Variants in DLG2 observed in about 807,000 individuals in gnomAD.
DLG2 encodes disks large homolog 2.
Under a neutral mutation model 132.5 loss-of-function variants are expected in DLG2, and 45 were observed. The ratio of observed to expected loss-of-function variants is 0.34; its 90% CI spans 0.27 to 0.44. The LOEUF is 0.44. Among genes scored for constraint, DLG2 ranks in the 20% least tolerant of loss-of-function variants. The pLI, the probability that DLG2 is intolerant of heterozygous loss-of-function variation, is 1.00. For missense variants in DLG2, 1,045 were observed against 1,196.9 expected, an observed-to-expected ratio of 0.87 and a Z score of 1.87; for synonymous variants, 424 against 419.6, an observed-to-expected ratio of 1.01 and a Z score of -0.13.
intron 19 of DLG2, among the ~76,000 whole-genome samples, chr11:83,629,142 T>C (rs1374902539): frequency 1.3e-5 from 2 of 152,136 alleles, no homozygotes; most frequent in African/African-American, 4.8e-5. Flanking sequence ...CTAACAGATC[T>C]TTTCATTTCA....
chr11:83,771,965 C>A (rs953632972), intron 18 of DLG2, among the ~76,000 whole-genome samples: 3 of 152,094 alleles, frequency 2.0e-5, no homozygotes, highest in African/African-American at 7.2e-5. Context: ...CCTTTAGATG[C>A]CAGTAACCTC....
chr11:84,138,947 T>TA (rs2094719059), intron 9 of DLG2, among the ~76,000 whole-genome samples: 1 of 41,608 alleles, frequency 2.4e-5, no homozygotes, highest in African/African-American at 8.1e-5. Flanking sequence ...AGACTCCATC[T>TA]CAAAAAAAAA....
intron 6 of DLG2, among the ~76,000 whole-genome samples, chr11:84,728,810 T>G (rs1257010675): frequency 6.6e-6 from 1 of 152,214 alleles, no homozygotes; most frequent in African/African-American, 2.4e-5. Context: ...CTTCCTGGTT[T>G]AGACATGTGA....
intron 7 of DLG2, among the ~76,000 whole-genome samples, chr11:84,256,390 C>T (rs2097471345): frequency 6.6e-6 from 1 of 152,218 alleles, no homozygotes; most frequent in African/African-American, 2.4e-5. Flanking sequence ...TGTAGCTTAG[C>T]TCCGAGAAGT....
chr11:84,855,428 A>G (rs1013953690), intron 6 of DLG2, among the ~76,000 whole-genome samples: 1 of 152,078 alleles, frequency 6.6e-6, no homozygotes, highest in African/African-American at 2.4e-5. Flanking sequence ...TAAACAGCAG[A>G]CAGGCATGAG....
chr11:84,696,577 G>A (rs2058637699), intron 6 of DLG2, among the ~76,000 whole-genome samples: 7 of 151,414 alleles, frequency 4.6e-5, no homozygotes, highest in African/African-American at 1.7e-4. Context: ...AAGGAGGTGA[G>A]TGGTGACAAA....
At chr11:83,549,128 A>G (rs2096315153) in intron 19 of DLG2, among the ~76,000 whole-genome samples, 1 of 152,148 alleles carries the variant, frequency 6.6e-6, no homozygotes, top group Non-Finnish European at 1.5e-5. Context: ...CTGCTTGATT[A>G]GAGGAGACCT....
chr11:85,356,815 G>C (rs1242147803), intron 3 of DLG2, among the ~76,000 whole-genome samples: 1 of 149,014 alleles, frequency 6.7e-6, no homozygotes, highest in African/African-American at 2.6e-5. Context: ...TAGATAGATA[G>C]ATAGATAGAT....
At chr11:83,847,830 T>C (rs557583770) in intron 16 of DLG2, among the ~76,000 whole-genome samples, 1 of 152,342 alleles carries the variant, frequency 6.6e-6, no homozygotes, top group African/African-American at 2.4e-5. Context: ...GAAATGGCTC[T>C]ATTGTTAGGT....
chr11:83,774,349 T>G (rs2153797441), intron 18 of DLG2, among the ~76,000 whole-genome samples: 1 of 152,334 alleles, frequency 6.6e-6, no homozygotes, highest in African/African-American at 2.4e-5. Context: ...TAATTATCGC[T>G]TATGGAGGAC....
intron 18 of DLG2, among the ~76,000 whole-genome samples, chr11:83,780,092 AAAATGTTTC>A: frequency 6.6e-6 from 1 of 152,306 alleles, no homozygotes; most frequent in East Asian, 1.9e-4. Flanking sequence ...GTGAGTTGGG[AAAATGTTTC>A]AACATGCCAC....
intron 3 of DLG2, among the ~76,000 whole-genome samples, chr11:85,414,878 T>A (rs2089679940): frequency 6.6e-6 from 1 of 152,146 alleles, no homozygotes; most frequent in Non-Finnish European, 1.5e-5. Context: ...TTCATTATTA[T>A]ACTTTAAGTT....
At chr11:85,034,906 A>G (rs528382545) in intron 6 of DLG2, among the ~76,000 whole-genome samples, 5 of 152,250 alleles carry the variant, frequency 3.3e-5, no homozygotes, top group South Asian at 4.1e-4. Flanking sequence ...TTCTACATCT[A>G]TTGAAGCATC....
intron 7 of DLG2, among the ~76,000 whole-genome samples, chr11:84,275,778 G>A (rs1047157696): frequency 3.3e-5 from 5 of 152,306 alleles, no homozygotes; most frequent in South Asian, 2.1e-4. Context: ...ATTTAAAAAC[G>A]TGTAAGTACC....
At chr11:85,572,228 G>A (rs1257609678) in intron 3 of DLG2, among the ~76,000 whole-genome samples, 1 of 152,034 alleles carries the variant, frequency 6.6e-6, no homozygotes, top group Non-Finnish European at 1.5e-5. Flanking sequence ...TTTTCATAAT[G>A]TTTCTATATT....
chr11:84,564,441 G>T (rs1031662351), intron 6 of DLG2, among the ~76,000 whole-genome samples: 4 of 152,152 alleles, frequency 2.6e-5, no homozygotes, highest in Non-Finnish European at 5.9e-5. Context: ...TCCCATCCGA[G>T]AATGTACTAT....
chr11:85,106,327 T>C (rs1468272027), intron 6 of DLG2, among the ~76,000 whole-genome samples: 2 of 152,014 alleles, frequency 1.3e-5, no homozygotes, highest in African/African-American at 4.8e-5. Flanking sequence ...AGAATATCAA[T>C]AGCGCTCATT....
chr11:84,489,583 T>C (rs1272556139), intron 7 of DLG2, among the ~76,000 whole-genome samples: 2 of 152,038 alleles, frequency 1.3e-5, no homozygotes, highest in Non-Finnish European at 2.9e-5. Flanking sequence ...CAAACCTAGC[T>C]CCTAATAATT....
At chr11:85,189,161 G>C (rs1050857838) in intron 4 of DLG2, among the ~76,000 whole-genome samples, 1 of 152,046 alleles carries the variant, frequency 6.6e-6, no homozygotes, top group South Asian at 2.1e-4. Flanking sequence ...AAGAAAGAAT[G>C]GTGGCTAAAA....
Sources: gnomAD v4.1 joint callset for allele counts (sites outside exome capture counted in the v4.1 genomes callset) on GRCh38, gnomAD v4.1.1 for gene constraint, MANE v1.5 for transcripts, NCBI Gene and HGNC (gene_info 2026-07-23, HGNC 2026-07-21) for gene names.